Variants in ARHGAP10 observed in about 807,000 individuals in gnomAD.
ARHGAP10 encodes the protein rho GTPase-activating protein 10.
A neutral mutation model predicts 108.6 loss-of-function variants in ARHGAP10; 87 were observed. The observed-to-expected ratio is 0.80, with a 90% confidence interval of 0.67 to 0.96. ARHGAP10 has a LOEUF of 0.96. Ranked by LOEUF, ARHGAP10 falls within the 40% of genes least tolerant of loss-of-function variation. ARHGAP10 has a pLI of 0.00. For missense variants in ARHGAP10, 939 were observed against 954.5 expected (o/e 0.98, Z 0.21); for synonymous variants, 347 against 341.1 (o/e 1.02, Z -0.19).
In ARHGAP10 at chr4:147,864,970, AGTT is replaced by A. The variant is rs1560798401; in HGVS notation, c.597+18_597+20del. 1 of 1,602,338 alleles carries A rather than the reference AGTT, an allele frequency of 6.2e-7. No homozygotes were observed. The highest frequency in any genetic ancestry group is 1.1e-5 in the South Asian group (1 of 90,180). ...TTTGTGGAACCTGTGAGTATTGCCA[AGTT>A]GTTTGCTGGTGGATTTTTGCAATGT... On this transcript the variant is annotated intron_variant, in intron 6 of 22. Coordinates refer to ENST00000336498, the MANE Select transcript of ARHGAP10 (RefSeq NM_024605.4).
chr4:147,745,703 G>T (rs543970029), intron 1 of ARHGAP10, among the ~76,000 whole-genome samples: 1 of 151,984 alleles, frequency 6.6e-6, no homozygotes, highest in Non-Finnish European at 1.5e-5. Context: ...GTGTTAGCCA[G>T]GATGGTCTCC....
At chr4:147,904,242 A>G (rs574800169) in intron 10 of ARHGAP10, among the ~76,000 whole-genome samples, 1 of 151,614 alleles carries the variant, frequency 6.6e-6, no homozygotes, top group African/African-American at 2.4e-5. Context: ...TTATTTTATT[A>G]TTATTATACT....
At chr4:147,933,875 G>A (rs781221827) in intron 13 of ARHGAP10, among the ~76,000 whole-genome samples, 5 of 152,178 alleles carry the variant, frequency 3.3e-5, no homozygotes, top group Non-Finnish European at 4.4e-5. Context: ...CTCATAGTAG[G>A]TCTCAACATG....
intron 1 of ARHGAP10, among the ~76,000 whole-genome samples, chr4:147,750,647 G>C (rs539076933): frequency 2.0e-3 from 302 of 151,364 alleles, no homozygotes; most frequent in African/African-American, 7.1e-3. Context: ...TGTAACCCAG[G>C]CTGGAGTGCA....
intron 20 of ARHGAP10, among the ~76,000 whole-genome samples, chr4:148,057,062 A>G (rs889266607): frequency 6.6e-6 from 1 of 152,184 alleles, no homozygotes; most frequent in Non-Finnish European, 1.5e-5. Flanking sequence ...AGTGCAGGCT[A>G]ATGATGGCAA....
At chr4:147,771,309 G>A (rs1412399652) in intron 1 of ARHGAP10, among the ~76,000 whole-genome samples, 1 of 152,110 alleles carries the variant, frequency 6.6e-6, no homozygotes, top group Non-Finnish European at 1.5e-5. Context: ...GTGCTCAAGT[G>A]GGTTTATTTT....
Position 147,751,883 on chromosome 4 carries a change from GTTTTTTTTT to G in ARHGAP10, c.154+19441_154+19449del, listed in dbSNP as rs371998598. 4.1e-3 allele frequency among the ~76,000 whole-genome samples: 523 copies of G among 126,302 alleles called. 3 individuals carry two copies. Among genetic ancestry groups the G allele is most frequent in the African/African-American group, 0.014 (496 of 34,278 alleles). 82.9% of individuals were successfully genotyped at this position (126,302 alleles called of 152,430 possible). A position where few individuals can be genotyped will look rare whatever the true frequency, so the allele number is the denominator to read the frequency against. ...AGTTATACACTTTCTGAAGCCTTTAGTTTTTTTTTTTTTTTTTTTTTAAGATGGAGTGTT... is the reference window on the plus strand; with the variant it reads ...AGTTATACACTTTCTGAAGCCTTTAGTTTTTTTTTTTTAAGATGGAGTGTT... On this transcript the variant is annotated intron_variant, in intron 1 of 22. Coordinates refer to ENST00000336498, the MANE Select transcript of ARHGAP10 (RefSeq NM_024605.4).
chr4:148,000,761 T>A (rs1740684900), intron 18 of ARHGAP10, among the ~76,000 whole-genome samples: 1 of 152,208 alleles, frequency 6.6e-6, no homozygotes, highest in African/African-American at 2.4e-5. Context: ...TTCGCCCGCT[T>A]TGTGATGGGG....
intron 1 of ARHGAP10, among the ~76,000 whole-genome samples, chr4:147,786,912 C>A (rs1730913028): frequency 6.6e-6 from 1 of 152,318 alleles, no homozygotes; most frequent in South Asian, 2.1e-4. Context: ...TGGCCTTCTC[C>A]AGGGTCACAC....
chr4:148,063,308 G>A lies in ARHGAP10; in HGVS notation c.2180+8G>A, dbSNP rs1412633214. ...GGACAAGCCACCTGAAAGGTACGTG[G>A]TTTGGAGTGGAATGTGGAATATGGT... On this transcript the variant is annotated splice_region_variant and intron_variant, in intron 21 of 22. Transcript: ENST00000336498. 4 of 1,614,102 alleles carry A rather than the reference G, an allele frequency of 2.5e-6. No individual in the cohort carries two copies. The highest frequency in any genetic ancestry group is 3.4e-6 in the Non-Finnish European group (4 of 1,180,008).
chr4:147,999,628 G>T (rs947895360), intron 18 of ARHGAP10, among the ~76,000 whole-genome samples: 3 of 152,212 alleles, frequency 2.0e-5, no homozygotes, highest in African/African-American at 7.2e-5. Flanking sequence ...CTAGTCACTG[G>T]GTTCCACGGT....
At chr4:147,743,184 C>A (rs1184799474) in intron 1 of ARHGAP10, among the ~76,000 whole-genome samples, 1 of 151,812 alleles carries the variant, frequency 6.6e-6, no homozygotes, top group Non-Finnish European at 1.5e-5. Flanking sequence ...CAGGCGTGCA[C>A]CACCATGCCT....
intron 16 of ARHGAP10, 108 bp from the exon 17 acceptor site, chr4:147,964,916 A>G (rs1578739235): frequency 7.2e-6 from 5 of 692,254 alleles, no homozygotes; most frequent in Admixed American, 3.7e-5. Flanking sequence ...TCTTGAACAG[A>G]GGAGCTGTTG....
At chr4:147,949,381 A>G (rs571380052) in intron 15 of ARHGAP10, among the ~76,000 whole-genome samples, 4 of 152,332 alleles carry the variant, frequency 2.6e-5, no homozygotes, top group South Asian at 2.1e-4. Flanking sequence ...ATCCCCAGCA[A>G]CTTGGAGCTG....
chr4:147,796,427 AG>A, intron 1 of ARHGAP10, among the ~76,000 whole-genome samples: 1 of 152,262 alleles, frequency 6.6e-6, no homozygotes, highest in East Asian at 1.9e-4. Flanking sequence ...CTCCTGGAAG[AG>A]ACAACAACGG....
chr4:147,974,442 T>C (rs1424946217), intron 18 of ARHGAP10, among the ~76,000 whole-genome samples: 1 of 152,208 alleles, frequency 6.6e-6, no homozygotes, highest in Non-Finnish European at 1.5e-5. Flanking sequence ...ATCATATTAA[T>C]CAGGGTGGTT....
chr4:148,045,568 G>C (rs1367329399), intron 19 of ARHGAP10, among the ~76,000 whole-genome samples: 1 of 151,648 alleles, frequency 6.6e-6, no homozygotes, highest in Non-Finnish European at 1.5e-5. Context: ...AAGAAACCCT[G>C]TCGCTACTAA....
chr4:147,946,747 G>T (rs377228106), intron 15 of ARHGAP10, 43 bp downstream of exon 15: 15 of 1,438,674 alleles, frequency 1.0e-5, no homozygotes, highest in Middle Eastern at 1.8e-4. Context: ...GGACTATTTG[G>T]ATCTGTAACA....
intron 18 of ARHGAP10, among the ~76,000 whole-genome samples, chr4:147,972,237 T>C (rs1739439760): frequency 6.6e-6 from 1 of 152,176 alleles, no homozygotes; most frequent in African/African-American, 2.4e-5. Flanking sequence ...ATGCTCATGA[T>C]GTTACATGCT....
Sources: gnomAD v4.1 joint callset for allele counts (sites outside exome capture counted in the v4.1 genomes callset) on GRCh38, gnomAD v4.1.1 for gene constraint, MANE v1.5 for transcripts, NCBI Gene and HGNC (gene_info 2026-07-23, HGNC 2026-07-21) for gene names.